Variants in STK39 observed in about 807,000 individuals in gnomAD.
STK39 encodes serine/threonine kinase 39.
A neutral mutation model predicts 77.8 loss-of-function variants in STK39; 20 were observed. The observed-to-expected ratio is 0.26, with a 90% CI of 0.18 to 0.37. STK39 has a LOEUF of 0.37. STK39 is among the 10% of genes least tolerant of loss of function. STK39 has a pLI of 1.00. For synonymous variants in STK39, 246 were observed against 234.1 expected (o/e 1.05, Z -0.47); for missense variants, 479 against 656.5 (o/e 0.73, Z 2.95).
intron 1 of STK39, among the ~76,000 whole-genome samples, chr2:168,184,046 C>G (rs1374387800): frequency 2.0e-5 from 3 of 152,144 alleles, no homozygotes; most frequent in Non-Finnish European, 4.4e-5. Flanking sequence ...AAATCTCCCC[C>G]CAGCTCAGCT....
chr2:168,053,650 G>A lies in STK39; in HGVS notation c.1376+9850C>T, dbSNP rs547218053. ...TTGTCAAGGAAAAAACAGTATTATC[G>A]CAGAATGAATGATTTTTCATGCTTC... is the stretch of plus-strand genomic sequence containing the variant. On this transcript the variant is annotated intron_variant, in intron 14 of 17. Coordinates refer to ENST00000355999, the MANE Select transcript of STK39 (RefSeq NM_013233.3). Among the ~76,000 whole-genome samples, 40 of 152,190 alleles carry A rather than the reference G, an allele frequency of 2.6e-4. No homozygotes were observed. The South Asian group carries it at 6.7e-3, about 25-fold the overall frequency.
intron 17 of STK39, among the ~76,000 whole-genome samples, chr2:167,958,804 T>C (rs1691856403): frequency 6.6e-6 from 1 of 152,252 alleles, no homozygotes; most frequent in Admixed American, 6.5e-5. Context: ...TCATACCCTG[T>C]TACCTTAAAA....
At position 168,196,669 on chromosome 2, in the gene STK39, T is replaced by C. The variant is rs80002561; in HGVS notation, c.209-14579A>G. ...AAAAACAAAAGGGTAATATAAATAA[T>C]TTCAGATTGCAGTTAAGTGCTATGA... On this transcript the variant is annotated intron_variant, in intron 1 of 17. Transcript: ENST00000355999. Among the ~76,000 whole-genome samples, 130 of 152,254 alleles carry C rather than the reference T, an allele frequency of 8.5e-4. 3 individuals carry two copies. In the East Asian group the frequency reaches 0.024, roughly 28 times the overall value.
At chr2:168,005,614 G>A (rs1024978883) in intron 16 of STK39, among the ~76,000 whole-genome samples, 1 of 152,112 alleles carries the variant, frequency 6.6e-6, no homozygotes, top group African/African-American at 2.4e-5. Flanking sequence ...CAATAAAATA[G>A]AAGACAAGCG....
At chr2:168,062,771 T>G (rs187160082) in intron 14 of STK39, among the ~76,000 whole-genome samples, 1 of 152,232 alleles carries the variant, frequency 6.6e-6, no homozygotes, top group African/African-American at 2.4e-5. Context: ...GAAGAACATA[T>G]GTATAACTTC....
At chr2:167,955,768 T>A (rs1041843784) in intron 17 of STK39, among the ~76,000 whole-genome samples, 198 bp from the exon 18 acceptor site, 1 of 152,192 alleles carries the variant, frequency 6.6e-6, no homozygotes, top group South Asian at 2.1e-4. Context: ...GTGGCCATCA[T>A]GCTATGAAGT....
chr2:167,999,831 G>A (rs1054600172), intron 16 of STK39, among the ~76,000 whole-genome samples: 1 of 152,190 alleles, frequency 6.6e-6, no homozygotes, highest in Non-Finnish European at 1.5e-5. Flanking sequence ...ATGACAAAGA[G>A]TGGTAGAAGG....
At chr2:168,067,221 C>CA (rs966004129) in intron 12 of STK39, among the ~76,000 whole-genome samples, 6 of 150,928 alleles carry the variant, frequency 4.0e-5, no homozygotes, top group East Asian at 1.9e-4. Context: ...GACTCTGTCT[C>CA]AAAAAAAAGA....
chr2:168,071,704 C>T lies in STK39; in HGVS notation c.1242+3278G>A, dbSNP rs557061708. 3.3e-5 allele frequency among the ~76,000 whole-genome samples: 5 copies of T among 151,976 alleles called. No individual in the cohort carries two copies. The East Asian group carries it at 9.7e-4, about 29-fold the overall frequency. On this transcript the variant is annotated intron_variant, in intron 12 of 17. Coordinates refer to ENST00000355999, the MANE Select transcript of STK39 (RefSeq NM_013233.3). ...AGACCACGGTGAAACCCTGTCTCTA[C>T]TAAAAATACAAAAAATTAGCTAGGC...
chr2:168,083,969 G>T (rs1274405719), intron 10 of STK39, among the ~76,000 whole-genome samples: 4 of 151,938 alleles, frequency 2.6e-5, no homozygotes, highest in African/African-American at 9.7e-5. Context: ...GATTCTTCTA[G>T]AGAAGTGGAT....
At chr2:167,959,760 G>C (rs1691893409) in intron 17 of STK39, among the ~76,000 whole-genome samples, 1 of 152,144 alleles carries the variant, frequency 6.6e-6, no homozygotes, top group South Asian at 2.1e-4. Context: ...AATTGGCTTT[G>C]CTTTTTTACA....
intron 10 of STK39, among the ~76,000 whole-genome samples, chr2:168,128,887 A>C (rs1687610815): frequency 6.6e-6 from 1 of 152,090 alleles, no homozygotes; most frequent in African/African-American, 2.4e-5. Flanking sequence ...ATATAATTTA[A>C]AAACCAAACT....
intron 3 of STK39, among the ~76,000 whole-genome samples, chr2:168,166,764 T>C (rs181855231): frequency 1.3e-5 from 2 of 152,170 alleles, no homozygotes; most frequent in African/African-American, 4.8e-5. Flanking sequence ...AAAAAGTAGA[T>C]AGCAGCACCT....
intron 16 of STK39, among the ~76,000 whole-genome samples, chr2:167,973,358 T>G (rs1189428632): frequency 6.6e-6 from 1 of 152,210 alleles, no homozygotes; most frequent in African/African-American, 2.4e-5. Context: ...GAGCATTAGA[T>G]TCTAGATAAG....
chr2:168,115,464 A>G (rs1429850904), intron 10 of STK39, among the ~76,000 whole-genome samples: 1 of 152,236 alleles, frequency 6.6e-6, no homozygotes, highest in African/African-American at 2.4e-5. Context: ...TAGGAAATAG[A>G]CTAACAAAAT....
At chr2:167,986,819 T>C (rs1675186739) in intron 16 of STK39, among the ~76,000 whole-genome samples, 1 of 152,024 alleles carries the variant, frequency 6.6e-6, no homozygotes, top group South Asian at 2.1e-4. Flanking sequence ...TAGGAGGATG[T>C]GGAGAAGGCC....
chr2:168,083,609 G>A (rs1028792497), intron 10 of STK39, among the ~76,000 whole-genome samples: 1 of 151,924 alleles, frequency 6.6e-6, no homozygotes, highest in African/African-American at 2.4e-5. Flanking sequence ...GTCTATCAAG[G>A]GACAGTATGG....
In STK39 at chr2:168,220,814, T is replaced by G. The variant is rs192878404; in HGVS notation, c.208+26414A>C. On this transcript the variant is annotated intron_variant, in intron 1 of 17. Transcript: ENST00000355999. The stretch of plus-strand genomic sequence containing the variant: ...TGTCCGACTGAGGAGATTAAGATTA[T>G]ACACACTGCCCTCACTTTCAGTTAA... Among the ~76,000 whole-genome samples, 7 of 152,332 alleles carry G rather than the reference T, an allele frequency of 4.6e-5. No individual in the cohort carries two copies. In the East Asian group the frequency reaches 1.3e-3, roughly 29 times the overall value.
intron 1 of STK39, among the ~76,000 whole-genome samples, chr2:168,186,288 A>G (rs1388312597): frequency 6.6e-6 from 1 of 152,228 alleles, no homozygotes; most frequent in African/African-American, 2.4e-5. Context: ...CCTAGACTCC[A>G]GAACTGTGAG....
Sources: allele counts gnomAD v4.1 joint callset (sites outside exome capture counted in the v4.1 genomes callset), GRCh38; gene constraint gnomAD v4.1.1; transcripts MANE v1.5; gene names NCBI Gene and HGNC (gene_info 2026-07-23, HGNC 2026-07-21).